IKBKB-DT: variants seen among roughly 807,000 people sequenced by gnomAD.
IKBKB-DT encodes the protein IKBKB antisense RNA.
chr8:42,268,197 C>T (rs1355311188), intron 1 of IKBKB-DT, among the ~76,000 whole-genome samples: 1 of 149,328 alleles, frequency 6.7e-6, no homozygotes, highest in African/African-American at 2.5e-5. Flanking sequence ...TGCAATGGCA[C>T]GATCTCGGCT....
chr8:42,269,448 G>GGGGAC (rs1807453704), intron 1 of IKBKB-DT, among the ~76,000 whole-genome samples: 1 of 9,698 alleles, frequency 1.0e-4, no homozygotes, highest in Non-Finnish European at 3.8e-4. Flanking sequence ...AGCGAGGGGA[G>GGGGAC]GGGAGGGGAG....
At chr8:42,254,814 A>ACTG (rs1807174550) in intron 3 of IKBKB-DT, among the ~76,000 whole-genome samples, 1 of 139,780 alleles carries the variant, frequency 7.2e-6, no homozygotes. Context: ...CGGCTACCCC[A>ACTG]TCTGGGAAGT....
chr8:42,253,409 T>C (rs28564546), intron 3 of IKBKB-DT, among the ~76,000 whole-genome samples: 20,582 of 152,182 alleles, frequency 0.14, 3,124 homozygotes, highest in African/African-American at 0.38. Flanking sequence ...TCTTCATCGA[T>C]ACTCTAAAGT....
chr8:42,266,376 G>C (rs1369233000), exon 2 of IKBKB-DT: 1 of 152,236 alleles, frequency 6.6e-6, no homozygotes, highest in East Asian at 1.9e-4. Context: ...ACTTGGAGGA[G>C]CTCAGTGCTG....
At chr8:42,262,708 G>T (rs947430826) in intron 3 of IKBKB-DT, among the ~76,000 whole-genome samples, 1 of 151,168 alleles carries the variant, frequency 6.6e-6, no homozygotes, top group African/African-American at 2.4e-5. Flanking sequence ...CAAAGTGCTG[G>T]GATTACAGGC....
rs144263433 is a variant in IKBKB-DT, at chr8:42,260,723, C to T, written n.1529+2606G>A. ...TTCAAATATCCTATTATCAAATTCTCCTGGGACAAACACTAAGTATTCTTG... is the reference window on the plus strand; with the variant it reads ...TTCAAATATCCTATTATCAAATTCTTCTGGGACAAACACTAAGTATTCTTG... On this transcript the variant is annotated intron_variant and non_coding_transcript_variant, in intron 3 of 3. Transcript: ENST00000518213. Among the ~76,000 whole-genome samples, 358 of 151,182 alleles carry T rather than the reference C, an allele frequency of 2.4e-3. 2 individuals are homozygous for T. Among genetic ancestry groups the T allele is most frequent in the African/African-American group, 8.2e-3 (338 of 41,232 alleles).
At chr8:42,264,457 G>A (rs1317779) in intron 2 of IKBKB-DT, among the ~76,000 whole-genome samples, 167 of 152,272 alleles carry the variant, frequency 1.1e-3, no homozygotes, top group African/African-American at 2.2e-3. Flanking sequence ...CGCCTGGCAA[G>A]AGATGTTTTT....
intron 3 of IKBKB-DT, among the ~76,000 whole-genome samples, chr8:42,248,892 A>T (rs935747650): frequency 6.6e-6 from 1 of 151,466 alleles, no homozygotes; most frequent in Non-Finnish European, 1.5e-5. Flanking sequence ...AAAAACAAAT[A>T]TCCCCTCCAA....
At chr8:42,234,994 C>A (rs1223190921) in intron 3 of IKBKB-DT, among the ~76,000 whole-genome samples, 1 of 152,026 alleles carries the variant, frequency 6.6e-6, no homozygotes, top group African/African-American at 2.4e-5. Flanking sequence ...TAATGAAAGG[C>A]CACCAAGTTA....
intron 3 of IKBKB-DT, among the ~76,000 whole-genome samples, chr8:42,262,799 C>T (rs1035952553): frequency 2.7e-5 from 4 of 150,870 alleles, no homozygotes; most frequent in Admixed American, 6.6e-5. Flanking sequence ...AGTGCAGTGG[C>T]GTAATCACGG....
At chr8:42,237,818 G>T (rs1806944232) in intron 3 of IKBKB-DT, among the ~76,000 whole-genome samples, 1 of 151,870 alleles carries the variant, frequency 6.6e-6, no homozygotes, top group Non-Finnish European at 1.5e-5. Context: ...GAATCCAGAA[G>T]TTCAACATCA....
intron 3 of IKBKB-DT, among the ~76,000 whole-genome samples, chr8:42,239,994 T>C (rs981603595): frequency 3.9e-5 from 6 of 152,156 alleles, no homozygotes; most frequent in Non-Finnish European, 5.9e-5. Context: ...AATGATGATA[T>C]GTCTTCCAGG....
At chr8:42,254,926 C>T (rs1484578752) in intron 3 of IKBKB-DT, among the ~76,000 whole-genome samples, 2 of 150,556 alleles carry the variant, frequency 1.3e-5, no homozygotes, top group African/African-American at 4.9e-5. Flanking sequence ...TCCCCAGCTT[C>T]TGCCCTGTCT....
intron 3 of IKBKB-DT, among the ~76,000 whole-genome samples, chr8:42,239,614 T>TTATATATATATATATATATATATATA (rs113469700): frequency 0.024 from 464 of 19,742 alleles, 97 homozygotes; most frequent in Non-Finnish European, 0.035. Context: ...AAAAGGCAAT[T>TTATATATATATATATATATATATATA]TATATATATA....
intron 3 of IKBKB-DT, among the ~76,000 whole-genome samples, chr8:42,245,170 G>T (rs772262869): frequency 7.5e-4 from 114 of 152,114 alleles, no homozygotes; most frequent in Non-Finnish European, 1.5e-3. Context: ...CAGGGGAATC[G>T]CTTGAACCCA....
chr8:42,243,236 T>C (rs1329659384), intron 3 of IKBKB-DT, among the ~76,000 whole-genome samples: 1 of 152,160 alleles, frequency 6.6e-6, no homozygotes, highest in African/African-American at 2.4e-5. Context: ...GGATTGTAAA[T>C]TGACTGTTAT....
At chr8:42,262,682 G>A (rs189435987) in intron 3 of IKBKB-DT, among the ~76,000 whole-genome samples, 9 of 151,876 alleles carry the variant, frequency 5.9e-5, no homozygotes, top group Middle Eastern at 3.4e-3. Flanking sequence ...CTCGTGATCC[G>A]CCCGCCTCGG....
chr8:42,253,332 T>C (rs1057257750), intron 3 of IKBKB-DT, among the ~76,000 whole-genome samples: 2 of 152,252 alleles, frequency 1.3e-5, no homozygotes, highest in Non-Finnish European at 2.9e-5. Flanking sequence ...CAAATGTATT[T>C]GATTGATGAT....
chr8:42,235,623 C>G (rs1806910295), intron 3 of IKBKB-DT, among the ~76,000 whole-genome samples: 1 of 152,162 alleles, frequency 6.6e-6, no homozygotes, highest in Non-Finnish European at 1.5e-5. Flanking sequence ...TCATCTCCAA[C>G]CCAATCAATC....
Sources: gnomAD v4.1 joint callset for allele counts (sites outside exome capture counted in the v4.1 genomes callset) on GRCh38, gnomAD v4.1.1 for gene constraint, MANE v1.5 for transcripts, NCBI Gene and HGNC (gene_info 2026-07-23, HGNC 2026-07-21) for gene names.